Variants in PARD3B observed in about 807,000 individuals in gnomAD.
PARD3B encodes the protein par-3 family cell polarity regulator beta, also known as partitioning defective 3 homolog B.
In PARD3B, 103 loss-of-function variants were observed where a neutral mutation model predicts 130.2. That is an observed-to-expected ratio of 0.79 (90% CI 0.67 to 0.93). The LOEUF (loss-of-function observed/expected upper bound fraction) is 0.93, where lower values mean the gene tolerates loss of function less well. Ranked by LOEUF, PARD3B falls within the 40% of genes least tolerant of loss-of-function variation. The pLI, the probability that PARD3B is intolerant of heterozygous loss-of-function variation, is 0.00. For synonymous variants in PARD3B, 583 were observed against 553.2 expected (o/e 1.05, Z -0.76); for missense variants, 1,609 against 1,499.2 (o/e 1.07, Z -1.21).
rs1181354087 is a variant in PARD3B at position 205,085,477 on chromosome 2, TTTTAA to T, written c.505-18946_505-18942del. 2.6e-5 allele frequency among the ~76,000 whole-genome samples: 4 copies of T among 152,048 alleles called. No homozygotes were observed. The East Asian group carries it at 7.7e-4, about 29-fold the overall frequency. ...ATAGACCCTTGTTCAAACAAAATAC[TTTTAA>T]TTAAAAATTGAGTTTATTTTTATGT... On this transcript the variant is annotated intron_variant, in intron 4 of 22. Transcript: ENST00000406610.
Position 205,193,225 on chromosome 2 carries a change from T to C in PARD3B, c.2045T>C (p.Val682Ala). 6.2e-7 allele frequency: 1 copy of C among 1,611,424 alleles called. No individual in the cohort carries two copies. Among genetic ancestry groups the C allele is most frequent in the African/African-American group, 1.3e-5 (1 of 74,944 alleles). Residue 682 changes from valine to alanine, a missense_variant, in exon 15 of 23, where the codon GTA (valine) becomes GCA (alanine). Val to Ala is a moderately conservative substitution (Grantham distance 64). Coordinates refer to ENST00000406610, the MANE Select transcript of PARD3B (RefSeq NM_001302769.2). ...CACAGCTCTGGGGTGGATTCAGCAG[T>C]ATATTTTCCAGATCAGCACATCAAC... ...YSHSSGVDSA[V>A]YFPDQHINFR...
chr2:204,690,329 T>A (rs534221433), intron 2 of PARD3B, among the ~76,000 whole-genome samples: 7 of 152,156 alleles, frequency 4.6e-5, no homozygotes, highest in Non-Finnish European at 8.8e-5. Context: ...AAATGTCTAC[T>A]CCCTAATCTC....
intron 18 of PARD3B, among the ~76,000 whole-genome samples, chr2:205,358,391 C>T (rs147123480): frequency 6.6e-6 from 1 of 152,230 alleles, no homozygotes; most frequent in East Asian, 1.9e-4. Flanking sequence ...CTAGATGCTC[C>T]CTTTTAGTTT....
intron 11 of PARD3B, among the ~76,000 whole-genome samples, chr2:205,163,037 A>G (rs1262671643): frequency 6.6e-6 from 1 of 152,184 alleles, no homozygotes. Flanking sequence ...TTAAAAATGT[A>G]TACATAACTA....
chr2:205,553,012 C>T (rs986367213), intron 21 of PARD3B, among the ~76,000 whole-genome samples: 1 of 110,640 alleles, frequency 9.0e-6, no homozygotes, highest in South Asian at 4.6e-4. Flanking sequence ...AAACTAAAGT[C>T]GGTTTTAAAA....
At chr2:205,067,455 T>C (rs557938634) in intron 4 of PARD3B, among the ~76,000 whole-genome samples, 3 of 152,240 alleles carry the variant, frequency 2.0e-5, no homozygotes, top group East Asian at 1.9e-4. Flanking sequence ...TGAGCCACGA[T>C]ACCCAGCCTA....
chr2:205,549,933 A>C (rs1451107298), intron 21 of PARD3B, among the ~76,000 whole-genome samples: 2 of 152,126 alleles, frequency 1.3e-5, no homozygotes, highest in Non-Finnish European at 2.9e-5. Context: ...TGAACCTAAA[A>C]CTGCTCTAAA....
chr2:205,027,947 A>G (rs953173934), intron 3 of PARD3B, among the ~76,000 whole-genome samples: 8 of 152,076 alleles, frequency 5.3e-5, no homozygotes, highest in South Asian at 2.1e-4. Context: ...TGCCAATACC[A>G]TACTGTTTTA....
At chr2:204,705,058 A>G (rs536828513) in intron 2 of PARD3B, among the ~76,000 whole-genome samples, 1 of 152,348 alleles carries the variant, frequency 6.6e-6, no homozygotes, top group Non-Finnish European at 1.5e-5. Flanking sequence ...AAAACTGCTC[A>G]GTGCTTGCAA....
intron 21 of PARD3B, among the ~76,000 whole-genome samples, chr2:205,500,408 G>T (rs1011725202): frequency 6.6e-6 from 1 of 152,140 alleles, no homozygotes; most frequent in African/African-American, 2.4e-5. Context: ...TTTCAAAAGG[G>T]TTATTGTCAG....
chr2:205,343,404 A>C (rs886284880), intron 18 of PARD3B, among the ~76,000 whole-genome samples: 2 of 152,180 alleles, frequency 1.3e-5, no homozygotes, highest in Non-Finnish European at 2.9e-5. Flanking sequence ...TCTTGACTTC[A>C]TGGTCCTGAT....
intron 3 of PARD3B, among the ~76,000 whole-genome samples, chr2:205,045,280 A>C (rs1358167241): frequency 6.6e-6 from 1 of 150,816 alleles, no homozygotes; most frequent in Non-Finnish European, 1.5e-5. Context: ...ACAGAGTCTC[A>C]CTCTGTCTCT....
chr2:205,489,698 G>A (rs1187437434), intron 20 of PARD3B, among the ~76,000 whole-genome samples: 2 of 151,918 alleles, frequency 1.3e-5, no homozygotes, highest in African/African-American at 4.8e-5. Context: ...ACACAGTCAG[G>A]AGGTCATTGT....
In PARD3B at chr2:205,187,136, A is replaced by AT. The variant is rs2036148108; in HGVS notation, c.2024+1274dup. On this transcript the variant is annotated intron_variant, in intron 14 of 22. Coordinates refer to ENST00000406610, the MANE Select transcript of PARD3B (RefSeq NM_001302769.2). This position sits in a 1 kb window ranked among gnomAD's most constrained non-coding sequence, Gnocchi z 4.9. ...CTGAGGCAGAGGAGAATGCCTCCAG[A>AT]TAAAGGAATCAGGGAAAATACTATG... Among the ~76,000 whole-genome samples the AT allele has an allele frequency of 6.6e-6, 1 of 152,208 alleles. No individual in the cohort carries two copies. Among genetic ancestry groups the AT allele is most frequent in the African/African-American group, 2.4e-5 (1 of 41,454 alleles).
At chr2:205,178,459 A>T (rs78267815) in intron 13 of PARD3B, among the ~76,000 whole-genome samples, 2,722 of 152,232 alleles carry the variant, frequency 0.018, 91 homozygotes, top group African/African-American at 0.062. Flanking sequence ...TCAAAGAAAA[A>T]AAAGAAATTA....
intron 15 of PARD3B, among the ~76,000 whole-genome samples, chr2:205,232,173 A>C (rs954686047): frequency 2.6e-5 from 4 of 152,226 alleles, no homozygotes; most frequent in Non-Finnish European, 5.9e-5. Context: ...GGAAGGGCTA[A>C]GCACAGTGGC....
At chr2:205,313,385 A>C (rs1038863457) in intron 18 of PARD3B, among the ~76,000 whole-genome samples, 2 of 152,164 alleles carry the variant, frequency 1.3e-5, no homozygotes, top group Non-Finnish European at 2.9e-5. Context: ...TTTTTTGAGC[A>C]CATGTTCATG....
At chr2:204,642,393 C>T (rs1217710187) in intron 1 of PARD3B, among the ~76,000 whole-genome samples, 1 of 152,122 alleles carries the variant, frequency 6.6e-6, no homozygotes, top group East Asian at 1.9e-4. Flanking sequence ...TGTTTATTAG[C>T]TATACCTAGG....
At chr2:204,662,045 A>G (rs2035829701) in intron 1 of PARD3B, among the ~76,000 whole-genome samples, 2 of 152,228 alleles carry the variant, frequency 1.3e-5, no homozygotes, top group African/African-American at 4.8e-5. Context: ...GGAGAAAATG[A>G]AACAATATCA....
Sources: gnomAD v4.1 joint callset for allele counts (sites outside exome capture counted in the v4.1 genomes callset) on GRCh38, gnomAD v4.1.1 for gene constraint, Gnocchi (gnomAD v3.1) non-coding constraint, MANE v1.5 for transcripts, NCBI Gene and HGNC (gene_info 2026-07-23, HGNC 2026-07-21) for gene names.